The following BEND5 variants were observed in gnomAD, a reference collection of about 807,000 sequenced individuals.
The protein encoded by BEND5 is BEN domain containing 5, also known as BEN domain-containing protein 5.
Under a neutral mutation model 43.9 loss-of-function variants are expected in BEND5, and 22 were observed. That is an observed-to-expected ratio of 0.50 (90% CI 0.36 to 0.72). The LOEUF is 0.72. Ranked by LOEUF, BEND5 falls within the 30% of genes least tolerant of loss-of-function variation. The pLI is 0.00. For missense variants in BEND5, 428 were observed against 550.6 expected, an observed-to-expected ratio of 0.78 and a Z score of 2.23; for synonymous variants, 228 against 225.9, an observed-to-expected ratio of 1.01 and a Z score of -0.08.
Position 48,736,647 on chromosome 1 carries a change from G to A in BEND5, c.895-195C>T, listed in dbSNP as rs1649106962. Among the ~76,000 whole-genome samples, 2 of 152,084 alleles carry A rather than the reference G, an allele frequency of 1.3e-5. No individual in the cohort carries two copies. Among genetic ancestry groups the A allele is most frequent in the Admixed American group, 1.3e-4 (2 of 15,270 alleles). On this transcript the variant is annotated intron_variant, in intron 4 of 5. Coordinates refer to ENST00000371833, the MANE Select transcript of BEND5 (RefSeq NM_024603.4). The surrounding 1 kb of genome is among the most constrained non-coding windows in gnomAD (Gnocchi z 4.0). ...GTAGTGTGCCAGGCCTTATTCTAGG[G>A]CTTTATATTTGCTATCTTAAATCTT...
chr1:48,761,247 T>C lies in BEND5; in HGVS notation c.360+90A>G, dbSNP rs964840727. 3 of 1,316,458 alleles carry C rather than the reference T, an allele frequency of 2.3e-6. No individual in the cohort carries two copies. The African/African-American group carries it at 4.5e-5, about 20-fold the overall frequency. The allele number at this position is 1,316,458 out of a possible 1,614,324, so 81.5% of individuals were successfully genotyped here. A position where few individuals can be genotyped will look rare whatever the true frequency, so the allele number is the denominator to read the frequency against. On this transcript the variant is annotated intron_variant, in intron 2 of 5. Transcript: ENST00000371833. ...CCTGTGATACCAGGGGACATTTACA[T>C]GGGGAGAGGAAGCCAGACTGAAACT...
At position 48,746,420 on chromosome 1, in the gene BEND5, T is replaced by TCTTCAAGGTTCACGACGGTCC. The variant is rs527863449; in HGVS notation, c.746-3650_746-3649insGGACCGTCGTGAACCTTGAAG. Among the ~76,000 whole-genome samples, 196 of 152,246 alleles carry TCTTCAAGGTTCACGACGGTCC rather than the reference T, an allele frequency of 1.3e-3. 4 individuals carry two copies. In the East Asian group the frequency reaches 0.031, roughly 24 times the overall value. ...CTTGTACTCCACAGCCCACCCACTC[T>TCTTCAAGGTTCACGACGGTCC]CCTCAAGGTTCACGACGGTCCCCTC... On this transcript the variant is annotated intron_variant, in intron 3 of 5. Transcript: ENST00000371833.
intron 3 of BEND5, among the ~76,000 whole-genome samples, chr1:48,746,889 G>A (rs914716704): frequency 1.3e-4 from 20 of 152,158 alleles, no homozygotes; most frequent in African/African-American, 3.1e-4. Context: ...TCAACAGAGC[G>A]CAATGTTTAG....
chr1:48,752,836 G>A (rs1651959919), intron 3 of BEND5, among the ~76,000 whole-genome samples: 1 of 151,992 alleles, frequency 6.6e-6, no homozygotes, highest in Non-Finnish European at 1.5e-5. Flanking sequence ...TGCAACCTCT[G>A]CTTCCCGGGT....
intron 3 of BEND5, among the ~76,000 whole-genome samples, chr1:48,758,427 T>C (rs1038258149): frequency 2.4e-4 from 37 of 152,230 alleles, no homozygotes; most frequent in Non-Finnish European, 1.0e-4. Flanking sequence ...AGTCTCTCCA[T>C]GCCCTCAGTT....
intron 3 of BEND5, among the ~76,000 whole-genome samples, chr1:48,757,296 C>T (rs1249712653): frequency 6.6e-6 from 1 of 152,152 alleles, no homozygotes; most frequent in African/African-American, 2.4e-5. Flanking sequence ...TATCCCCATC[C>T]CCCATCACCA....
intron 3 of BEND5, among the ~76,000 whole-genome samples, chr1:48,752,249 G>T (rs1651857790): frequency 6.6e-6 from 1 of 152,140 alleles, no homozygotes; most frequent in South Asian, 2.1e-4. Context: ...ATGAACTGAG[G>T]CTGAAAGAGA....
At chr1:48,776,141 C>T (rs1371772225) in intron 1 of BEND5, among the ~76,000 whole-genome samples, 3 of 152,100 alleles carry the variant, frequency 2.0e-5, no homozygotes, top group African/African-American at 7.2e-5. Flanking sequence ...TTGCTCCTCA[C>T]TCCAAGGAGG....
intron 1 of BEND5, among the ~76,000 whole-genome samples, chr1:48,776,253 T>G (rs1389054893): frequency 1.3e-5 from 2 of 151,538 alleles, no homozygotes; most frequent in African/African-American, 4.9e-5. Flanking sequence ...AAAGAGAAGG[T>G]GAGAGAGAAA....
chr1:48,770,807 T>C (rs1231058707), intron 1 of BEND5, among the ~76,000 whole-genome samples: 1 of 152,130 alleles, frequency 6.6e-6, no homozygotes, highest in African/African-American at 2.4e-5. Context: ...AGTTACTAAG[T>C]CCCATGAATT....
At chr1:48,743,310 C>A (rs576572269) in intron 3 of BEND5, among the ~76,000 whole-genome samples, 2 of 152,276 alleles carry the variant, frequency 1.3e-5, no homozygotes, top group East Asian at 3.9e-4. Flanking sequence ...CCCCTGATTG[C>A]CTGATCCAGC....
intron 3 of BEND5, among the ~76,000 whole-genome samples, chr1:48,745,449 G>A (rs1311965791): frequency 1.3e-5 from 2 of 152,182 alleles, no homozygotes; most frequent in African/African-American, 4.8e-5. Context: ...GGACATCAGA[G>A]GGAGCAGGGG....
intron 3 of BEND5, among the ~76,000 whole-genome samples, chr1:48,755,201 C>T (rs1652358732): frequency 6.6e-6 from 1 of 152,214 alleles, no homozygotes; most frequent in South Asian, 2.1e-4. Context: ...ATTACAACTC[C>T]TGGCTGCTGA....
intron 1 of BEND5, among the ~76,000 whole-genome samples, chr1:48,768,990 G>T (rs565455562): frequency 6.6e-6 from 1 of 152,324 alleles, no homozygotes; most frequent in East Asian, 1.9e-4. Context: ...CTGTGGTGTT[G>T]CAGAAAGACA....
At chr1:48,757,428 T>C (rs1226277862) in intron 3 of BEND5, among the ~76,000 whole-genome samples, 1 of 152,246 alleles carries the variant, frequency 6.6e-6, no homozygotes, top group African/African-American at 2.4e-5. Context: ...TTCGTGTCAC[T>C]GTGAACCTCT....
intron 1 of BEND5, among the ~76,000 whole-genome samples, chr1:48,765,188 G>A (rs1644470808): frequency 6.6e-6 from 1 of 152,102 alleles, no homozygotes. Flanking sequence ...CTTATCCACT[G>A]GCGTATGAGT....
chr1:48,763,288 T>A (rs1291309078), intron 1 of BEND5, among the ~76,000 whole-genome samples: 1 of 152,218 alleles, frequency 6.6e-6, no homozygotes, highest in South Asian at 2.1e-4. Flanking sequence ...ATTCTTGCAC[T>A]CATTGTGCCT....
rs185214069 is a variant in BEND5, at chr1:48,743,848, T to C, written c.746-1077A>G. On this transcript the variant is annotated intron_variant, in intron 3 of 5. Transcript: ENST00000371833. ...TGGTGGCAGTGAAGGTCCTGGTGAA[T>C]TTGTTACTAAAATTCTTCATGATAC... Among the ~76,000 whole-genome samples the C allele has an allele frequency of 1.8e-4, 28 of 152,314 alleles. No individual in the cohort carries two copies. In the East Asian group the frequency reaches 5.4e-3, roughly 29 times the overall value.
At chr1:48,738,162 T>C (rs748479437) in intron 4 of BEND5, among the ~76,000 whole-genome samples, 1 of 152,170 alleles carries the variant, frequency 6.6e-6, no homozygotes, top group Non-Finnish European at 1.5e-5. Flanking sequence ...AACTTCTTCC[T>C]TTACCAATTA....
Sources: allele counts gnomAD v4.1 joint callset (sites outside exome capture counted in the v4.1 genomes callset), GRCh38; gene constraint gnomAD v4.1.1; non-coding constraint Gnocchi (gnomAD v3.1); transcripts MANE v1.5; gene names NCBI Gene and HGNC (gene_info 2026-07-23, HGNC 2026-07-21).